U2AF2: variants seen among roughly 807,000 people sequenced by gnomAD.
U2AF2 encodes splicing factor U2AF 65 kDa subunit.
U2AF2 carries 6 observed loss-of-function variants against 52.6 expected under a neutral mutation model. That is an observed-to-expected ratio of 0.11 (90% confidence interval 0.06 to 0.23). The LOEUF (loss-of-function observed/expected upper bound fraction) is 0.23, where lower values mean the gene tolerates loss of function less well. Among genes scored for constraint, U2AF2 ranks in the 10% least tolerant of loss-of-function variants. The pLI, the probability that U2AF2 is intolerant of heterozygous loss-of-function variation, is 1.00. For missense variants in U2AF2, 222 were observed against 677.1 expected (o/e 0.33, Z 7.46); for synonymous variants, 284 against 258.2 (o/e 1.10, Z -0.96).
At chr19:55,670,660 G>T in intron 11 of U2AF2, 1 of 249,258 alleles carries the variant, frequency 4.0e-6, no homozygotes, top group Non-Finnish European at 8.0e-6. Flanking sequence ...GTGAGCAGGT[G>T]AGTGAGCGAG....
chr19:55,659,174 C>T (rs761635365), intron 1 of U2AF2, 36 bp from the exon 2 acceptor site: 35 of 1,501,866 alleles, frequency 2.3e-5, no homozygotes, highest in South Asian at 5.2e-5. Context: ...ATCCTTACTC[C>T]GCTTATCCCG....
rs1264445330 is a variant in U2AF2, at chr19:55,660,242, C to T, written c.230+21C>T. On this transcript the variant is annotated intron_variant, in intron 3 of 11. Transcript: ENST00000308924. ...CTGATGTGAGCTTCTCTTCCTGCCCCTTCCTCCCTGATGTCCACTCCCTTC... is the reference window on the plus strand; with the variant it reads ...CTGATGTGAGCTTCTCTTCCTGCCCTTTCCTCCCTGATGTCCACTCCCTTC... The T allele has an allele frequency of 3.7e-6, 6 of 1,611,504 alleles. No homozygotes were observed. The East Asian group carries it at 1.3e-4, about 36-fold the overall frequency.
chr19:55,658,483 T>TCA (rs775585002), intron 1 of U2AF2, among the ~76,000 whole-genome samples: 2 of 152,164 alleles, frequency 1.3e-5, no homozygotes, highest in Non-Finnish European at 2.9e-5. Context: ...CCGCCCCTAC[T>TCA]CACGCCTTTA....
Position 55,668,492 on chromosome 19 carries a change from C to T in U2AF2, c.743-15C>T, listed in dbSNP as rs1370832416. On this transcript the variant is annotated splice_polypyrimidine_tract_variant and intron_variant, in intron 7 of 11. Coordinates refer to ENST00000308924, the MANE Select transcript of U2AF2 (RefSeq NM_007279.3). The surrounding 1 kb of genome is among the most constrained non-coding windows in gnomAD (Gnocchi z 5.5). Reference sequence around the variant, plus strand: ...CTGGTACTGGAATTGAAGTCCTCCTCTTCTCTACCCATAGGGGTTGTGTCC... The same window carrying T: ...CTGGTACTGGAATTGAAGTCCTCCTTTTCTCTACCCATAGGGGTTGTGTCC... 1.9e-6 allele frequency: 3 copies of T among 1,569,464 alleles called. No homozygotes were observed. The African/African-American group carries it at 4.1e-5, about 21-fold the overall frequency.
At chr19:55,659,486 G>A (rs1410684965) in intron 2 of U2AF2, 141 bp downstream of exon 2, 17 of 1,133,718 alleles carry the variant, frequency 1.5e-5, no homozygotes, top group Non-Finnish European at 1.8e-5. Flanking sequence ...TCTGGGGGAG[G>A]GATCTACTGC....
At position 55,664,762 on chromosome 19, in the gene U2AF2, G is replaced by A. The variant is rs1471705801; in HGVS notation, c.742+1018G>A. The stretch of plus-strand genomic sequence containing the variant: ...TGAGACAGTCTCGCTCTGTCACCCA[G>A]GCTGGAATGCAGTGGCACGATCTCG... On this transcript the variant is annotated intron_variant, in intron 7 of 11. Transcript: ENST00000308924. Among the ~76,000 whole-genome samples, 3 of 152,126 alleles carry A rather than the reference G, an allele frequency of 2.0e-5. No homozygotes were observed. In the East Asian group the frequency reaches 5.8e-4, roughly 29 times the overall value.
intron 5 of U2AF2, chr19:55,661,400 CT>C: frequency 3.9e-6 from 2 of 517,250 alleles, no homozygotes; most frequent in East Asian, 3.3e-5. Context: ...CCCGTCTCCC[CT>C]CCCCCCAACC....
At position 55,660,160 on chromosome 19, in the gene U2AF2, T is replaced by TGCC; in HGVS notation, c.186-17_186-16insGCC. 1.9e-6 allele frequency: 3 copies of TGCC among 1,594,992 alleles called. No individual in the cohort carries two copies. Among genetic ancestry groups the TGCC allele is most frequent in the Non-Finnish European group, 2.6e-6 (3 of 1,167,810 alleles). ...CCCCAGTCACCCCTCCCCATACCTTTCCCTCCCACCCCCCAGCAAACCTTT... is the reference window on the plus strand; with the variant it reads ...CCCCAGTCACCCCTCCCCATACCTTTGCCCCCTCCCACCCCCCAGCAAACCTTT... On this transcript the variant is annotated splice_polypyrimidine_tract_variant and intron_variant, in intron 2 of 11. Transcript: ENST00000308924.
At chr19:55,665,123 G>A (rs1330831426) in intron 7 of U2AF2, among the ~76,000 whole-genome samples, 2 of 152,154 alleles carry the variant, frequency 1.3e-5, no homozygotes, top group African/African-American at 2.4e-5. Flanking sequence ...GTATGGGTGC[G>A]TTTCCCCGAT....
intron 3 of U2AF2, 25 bp from the exon 4 acceptor site, chr19:55,660,491 C>T (rs574446735): frequency 3.0e-5 from 30 of 990,190 alleles, no homozygotes; most frequent in South Asian, 8.1e-5. Flanking sequence ...TGCCCTGCCC[C>T]GCTCTCCCCT....
intron 11 of U2AF2, 51 bp downstream of exon 11, chr19:55,669,743 T>C (rs1984765532): frequency 6.6e-7 from 1 of 1,523,796 alleles, no homozygotes. Context: ...CCTCCTCTTC[T>C]CCGCGCCCTC....
chr19:55,669,064 C>A lies in U2AF2; in HGVS notation c.946-19C>A. 6.2e-7 allele frequency: 1 copy of A among 1,609,830 alleles called. No individual in the cohort carries two copies. The highest frequency in any genetic ancestry group is 1.1e-5 in the South Asian group (1 of 90,948). Reference sequence around the variant, plus strand: ...CCACCTCTCCCCGCACCCCCCGACCCCTCATCCTCCAAACACAGGCCATTG... The same window carrying A: ...CCACCTCTCCCCGCACCCCCCGACCACTCATCCTCCAAACACAGGCCATTG... On this transcript the variant is annotated intron_variant, in intron 9 of 11. Transcript: ENST00000308924.
intron 6 of U2AF2, 81 bp downstream of exon 6, chr19:55,662,699 G>C: frequency 7.8e-7 from 1 of 1,285,846 alleles, no homozygotes; most frequent in Non-Finnish European, 1.1e-6. Context: ...GTGTGGAGCT[G>C]CCTTGTGCTG....
rs764250900 is a variant in U2AF2 at position 55,663,873 on chromosome 19, C to T, written c.742+129C>T. 59 of 1,406,878 alleles carry T rather than the reference C, an allele frequency of 4.2e-5. 1 individual carries two copies. Among genetic ancestry groups the T allele is most frequent in the Non-Finnish European group, 4.6e-5 (48 of 1,037,700 alleles). 87.1% of individuals were successfully genotyped at this position (1,406,878 alleles called of 1,614,324 possible). A position where few individuals can be genotyped will look rare whatever the true frequency, so the allele number is the denominator to read the frequency against. On this transcript the variant is annotated intron_variant, in intron 7 of 11. Coordinates refer to ENST00000308924, the MANE Select transcript of U2AF2 (RefSeq NM_007279.3). ...ACTGTGGAAGATAGGTGCCTTTTCC[C>T]TGCTTCCCCTAAGTCTCTGTGAGTG...
chr19:55,665,165 C>T (rs1220615339), intron 7 of U2AF2, among the ~76,000 whole-genome samples: 1 of 152,246 alleles, frequency 6.6e-6, no homozygotes, highest in African/African-American at 2.4e-5. Flanking sequence ...CACGTCTCTT[C>T]CTGGTGAATC....
chr19:55,663,576 TC>T (rs1456071171), intron 6 of U2AF2, 29 bp from the exon 7 acceptor site: 1 of 1,608,694 alleles, frequency 6.2e-7, no homozygotes, highest in African/African-American at 1.3e-5. Flanking sequence ...CTGACCCCCA[TC>T]CCTCACCACT....
rs906716507 is a variant in U2AF2, at chr19:55,662,678, A to G, written c.603+60A>G. ...TGTGTGATGTGAGGGCCCAGCCCTT[A>G]GGCTGATGTTGTGTGGAGCTGCCTT... On this transcript the variant is annotated intron_variant, in intron 6 of 11. Transcript: ENST00000308924. The G allele has an allele frequency of 1.0e-5, 15 of 1,468,986 alleles. No homozygotes were observed. In the African/African-American group the frequency reaches 2.1e-4, roughly 20 times the overall value. 91.0% of individuals were successfully genotyped at this position (1,468,986 alleles called of 1,614,324 possible). A position where few individuals can be genotyped will look rare whatever the true frequency, so the allele number is the denominator to read the frequency against.
chr19:55,656,388 T>G (rs1169235732), intron 1 of U2AF2, among the ~76,000 whole-genome samples: 2 of 152,242 alleles, frequency 1.3e-5, no homozygotes, highest in Non-Finnish European at 2.9e-5. Context: ...GGTCTGACTC[T>G]GTCTTAGTTG....
At chr19:55,659,063 G>T (rs1983983646) in intron 1 of U2AF2, 147 bp from the exon 2 acceptor site, 2 of 1,272,522 alleles carry the variant, frequency 1.6e-6, no homozygotes, top group Non-Finnish European at 2.0e-6. Flanking sequence ...GGACCCAGGA[G>T]GCCTGTTAAT....
Sources: gnomAD v4.1 joint callset for allele counts (sites outside exome capture counted in the v4.1 genomes callset) on GRCh38, gnomAD v4.1.1 for gene constraint, Gnocchi (gnomAD v3.1) non-coding constraint, MANE v1.5 for transcripts, NCBI Gene and HGNC (gene_info 2026-07-23, HGNC 2026-07-21) for gene names.